Variants in ETFDH observed in about 807,000 individuals in gnomAD.
ETFDH encodes electron transfer flavoprotein dehydrogenase, also known as electron transfer flavoprotein-ubiquinone oxidoreductase, mitochondrial.
Under a neutral mutation model 73.2 loss-of-function variants are expected in ETFDH, and 61 were observed. That is an observed-to-expected ratio of 0.83 (90% CI 0.68 to 1.03). The LOEUF is 1.03. ETFDH is among the 50% of genes least tolerant of loss of function. The pLI is 0.00. For missense variants in ETFDH, 685 were observed against 745.0 expected (o/e 0.92, Z 0.94); for synonymous variants, 243 against 253.3 (o/e 0.96, Z 0.39).
chr4:158,706,773 C>T lies in ETFDH; in HGVS notation c.1613C>T (p.Thr538Ile). 1 of 1,613,858 alleles carries T rather than the reference C, an allele frequency of 6.2e-7. No individual in the cohort carries two copies. The highest frequency in any genetic ancestry group is 8.5e-7 in the Non-Finnish European group (1 of 1,179,824). The change falls in exon 12 of 13, where the codon ACC becomes ATC. Residue 538 changes from threonine (T) to isoleucine (I), a missense_variant. This residue lies in a region of ETFDH where 201 missense variants were observed against 225.2 expected (regional missense o/e 0.89). Transcript: ENST00000511912. ...GAACATGACCAGCCGGCACACTTAA[C>T]CTTAAGGGATGACAGTATACCTGTA... ...NHEHDQPAHL[T>I]LRDDSIPVNR...
intron 4 of ETFDH, 29 bp from the exon 5 acceptor site, chr4:158,685,072 A>G: frequency 7.8e-7 from 1 of 1,288,210 alleles, no homozygotes; most frequent in Non-Finnish European, 1.1e-6. Flanking sequence ...ATAAAAAGTC[A>G]GATTTATAAA....
At chr4:158,692,888 A>ATAT (rs1410503604) in intron 6 of ETFDH, among the ~76,000 whole-genome samples, 81 of 119,098 alleles carry the variant, frequency 6.8e-4, no homozygotes, top group African/African-American at 2.5e-3. Flanking sequence ...AAAAAAAAAA[A>ATAT]ACATATATAT....
At chr4:158,682,116 GTGGATATT>G (rs1450213906) in intron 2 of ETFDH, 71 bp from the exon 3 acceptor site, 31 of 1,595,990 alleles carry the variant, frequency 1.9e-5, no homozygotes, top group Non-Finnish European at 2.7e-5. Flanking sequence ...CTAAAGCACA[GTGGATATT>G]TTTTAACTGT....
intron 10 of ETFDH, among the ~76,000 whole-genome samples, chr4:158,705,300 C>T (rs943257835): frequency 1.3e-5 from 2 of 152,172 alleles, no homozygotes; most frequent in East Asian, 1.9e-4. Flanking sequence ...TTGGCTCAAG[C>T]AGTCCTCCCA....
At position 158,682,437 on chromosome 4, in the gene ETFDH, G is replaced by GT. The variant is rs749054892; in HGVS notation, c.405+19dup. On this transcript the variant is annotated intron_variant, in intron 3 of 12. Transcript: ENST00000511912. ...GAAAGAGAAGGGGGTATGAAAAATT[G>GT]TTTTTTATACAAAGTCTAATCTTTT... is the stretch of plus-strand genomic sequence containing the variant. The GT allele has an allele frequency of 1.3e-6, 2 of 1,596,416 alleles. No individual in the cohort carries two copies. Among genetic ancestry groups the GT allele is most frequent in the East Asian group, 2.2e-5 (1 of 44,766 alleles).
At chr4:158,672,623 C>G (rs1773604078) in intron 1 of ETFDH, 133 bp downstream of exon 1, 1 of 906,982 alleles carries the variant, frequency 1.1e-6, no homozygotes, top group Non-Finnish European at 1.8e-6. Context: ...AAAGGTCACG[C>G]GCTGTCAGCC....
intron 1 of ETFDH, among the ~76,000 whole-genome samples, chr4:158,677,927 T>C (rs1773752243): frequency 6.6e-6 from 1 of 152,232 alleles, no homozygotes; most frequent in African/African-American, 2.4e-5. Context: ...AGATTTACAC[T>C]CATGTCTTCA....
At chr4:158,691,316 A>T (rs4399940) in intron 6 of ETFDH, among the ~76,000 whole-genome samples, 4,301 of 152,148 alleles carry the variant, frequency 0.028, 68 homozygotes, top group African/African-American at 0.035. Context: ...ATACTTTGAC[A>T]TGTTTGTTTG....
intron 8 of ETFDH, among the ~76,000 whole-genome samples, chr4:158,698,654 T>G (rs576005238): frequency 2.8e-4 from 42 of 152,282 alleles, no homozygotes; most frequent in East Asian, 1.3e-3. Flanking sequence ...ATTTGTTTTT[T>G]TTGTTGTTGT....
intron 11 of ETFDH, 128 bp downstream of exon 11, chr4:158,706,499 T>C: frequency 9.1e-7 from 1 of 1,094,546 alleles, no homozygotes; most frequent in Non-Finnish European, 1.4e-6. Flanking sequence ...CTAAGAACAG[T>C]ATATTATTAC....
Position 158,707,807 on chromosome 4 carries a change from A to G in ETFDH, c.1691-557A>G, listed in dbSNP as rs1458248371. On this transcript the variant is annotated intron_variant, in intron 12 of 12. Coordinates refer to ENST00000511912, the MANE Select transcript of ETFDH (RefSeq NM_004453.4). ...TTCTCTATAAAGAGAAAAAAATCCT[A>G]TGCTGAGGTTGCTAAGGTCTATGGT... Among the ~76,000 whole-genome samples the G allele has an allele frequency of 4.6e-5, 7 of 152,264 alleles. No individual in the cohort carries two copies. The East Asian group carries it at 7.7e-4, about 17-fold the overall frequency.
At chr4:158,678,653 C>CT (rs11438999) in intron 1 of ETFDH, among the ~76,000 whole-genome samples, 129,847 of 140,418 alleles carry the variant, frequency 0.92, 60,367 homozygotes, top group East Asian at 0.99. Flanking sequence ...ATATCACCAT[C>CT]TTTTTTTTTT....
chr4:158,691,278 G>A (rs1449821359), intron 6 of ETFDH, among the ~76,000 whole-genome samples: 1 of 152,134 alleles, frequency 6.6e-6, no homozygotes, highest in Non-Finnish European at 1.5e-5. Context: ...GAATCATTTT[G>A]CATTACTATC....
rs1774723182 is a variant in ETFDH, at chr4:158,709,024, TGTGTGTGTG to T, written c.*498_*506del. On this transcript the variant is annotated 3_prime_UTR_variant, in exon 13 of 13. Coordinates refer to ENST00000511912, the MANE Select transcript of ETFDH (RefSeq NM_004453.4). ...ATGCCCATCCCTGAACAAGTTTGTG[TGTGTGTGTG>T]TGTGTGTGTGTGTGTGTGTGTGTGT... 1 of 39,804 alleles carries T rather than the reference TGTGTGTGTG, an allele frequency of 2.5e-5. No homozygotes were observed. The highest frequency in any genetic ancestry group is 3.4e-5 in the African/African-American group (1 of 29,092). 2.5% of individuals were successfully genotyped at this position (39,804 alleles called of 1,614,324 possible). A position where few individuals can be genotyped will look rare whatever the true frequency, so the allele number is the denominator to read the frequency against.
intron 3 of ETFDH, among the ~76,000 whole-genome samples, chr4:158,683,812 T>A (rs1683123996): frequency 6.6e-6 from 1 of 152,182 alleles, no homozygotes; most frequent in African/African-American, 2.4e-5. Flanking sequence ...AGCTTCGGCC[T>A]CCCAAATTGC....
chr4:158,697,575 A>T lies in ETFDH; in HGVS notation c.848A>T (p.Glu283Val), dbSNP rs1488645821. The T allele has an allele frequency of 6.2e-7, 1 of 1,613,078 alleles. No individual in the cohort carries two copies. The highest frequency in any genetic ancestry group is 1.7e-5 in the Admixed American group (1 of 59,948). Residue 283 changes from glutamate to valine, a missense_variant, in exon 8 of 13, where the codon GAA becomes GTA. Physicochemically the swap from Glu to Val is moderately radical, Grantham distance 121. Around this residue, in one of 3 missense-constraint regions of ETFDH, gnomAD observed 405 missense variants for 399.3 expected, o/e 1.01. Transcript: ENST00000511912. ...IGLKELWVID[E>V]KNWKPGRVDH... ...TTTTTTTAGTTATGGGTTATTGATG[A>T]AAAGAACTGGAAACCTGGGAGAGTA... is the stretch of plus-strand genomic sequence containing the variant.
At position 158,685,089 on chromosome 4, in the gene ETFDH, A is replaced by G. The variant is rs180889150; in HGVS notation, c.488-12A>G. ...AAAAAGTCAGATTTATAAATTAAGC[A>G]TATATTTATAGGGCTTCCAATGAAT... On this transcript the variant is annotated splice_polypyrimidine_tract_variant and intron_variant, in intron 4 of 12. Transcript: ENST00000511912. The G allele has an allele frequency of 5.0e-6, 7 of 1,396,890 alleles. No individual in the cohort carries two copies. In the Admixed American group the frequency reaches 5.1e-5, roughly 10 times the overall value. The allele number at this position is 1,396,890 out of a possible 1,614,324, so 86.5% of individuals were successfully genotyped here. A position where few individuals can be genotyped will look rare whatever the true frequency, so the allele number is the denominator to read the frequency against.
At chr4:158,700,230 A>G (rs1374336157) in intron 9 of ETFDH, among the ~76,000 whole-genome samples, 1 of 152,184 alleles carries the variant, frequency 6.6e-6, no homozygotes, top group East Asian at 1.9e-4. Flanking sequence ...CATTATAAAT[A>G]TAATCACTAG....
In ETFDH at chr4:158,684,619, G is replaced by C; in HGVS notation, c.433G>C (p.Asp145His). ...GAPLNTPVTE[D>H]RFGILTEKYR... ...TCCACTTAACACTCCTGTAACAGAA[G>C]ACAGATTTGGAATTTTAACAGAGAA... is the stretch of plus-strand genomic sequence containing the variant. Residue 145 changes from aspartate to histidine, a missense_variant, in exon 4 of 13, where the codon GAC (aspartate) becomes CAC (histidine). Physicochemically the swap from Asp to His is moderately conservative, Grantham distance 81. This residue lies in a region of ETFDH where 405 missense variants were observed against 399.3 expected (regional missense o/e 1.01). Transcript: ENST00000511912. 6.3e-7 allele frequency: 1 copy of C among 1,584,354 alleles called. No individual in the cohort carries two copies. Among genetic ancestry groups the C allele is most frequent in the Non-Finnish European group, 8.7e-7 (1 of 1,153,128 alleles).
Sources: allele counts gnomAD v4.1 joint callset (sites outside exome capture counted in the v4.1 genomes callset), GRCh38; gene constraint gnomAD v4.1.1; regional missense constraint gnomAD v4.1.1; transcripts MANE v1.5; gene names NCBI Gene and HGNC (gene_info 2026-07-23, HGNC 2026-07-21).